The following RIC1 variants were observed in gnomAD, a reference collection of about 807,000 sequenced individuals.
RIC1 encodes RIC1 partner of RAB6A GEF complex.
In RIC1, 88 loss-of-function variants were observed where a neutral mutation model predicts 169.0. The observed-to-expected ratio is 0.52, with a 90% CI of 0.44 to 0.62. The LOEUF (loss-of-function observed/expected upper bound fraction) is 0.62. Among genes scored for constraint, RIC1 ranks in the 20% least tolerant of loss-of-function variants. RIC1 has a pLI of 0.00. For synonymous variants in RIC1, 790 were observed against 601.5 expected (o/e 1.31, Z -4.59); for missense variants, 1,877 against 1,725.5 (o/e 1.09, Z -1.56).
intron 7 of RIC1, 98 bp from the exon 8 acceptor site, chr9:5,738,352 G>T: frequency 1.3e-6 from 1 of 786,636 alleles, no homozygotes; most frequent in Non-Finnish European, 2.1e-6. Flanking sequence ...TTTTGTTCTA[G>T]TTTACACTCC....
intron 2 of RIC1, among the ~76,000 whole-genome samples, chr9:5,680,393 T>G (rs1309158992): frequency 2.6e-5 from 4 of 152,204 alleles, no homozygotes; most frequent in Admixed American, 6.5e-5. Flanking sequence ...TTTCTATTGA[T>G]TGGAATAGTT....
intron 2 of RIC1, among the ~76,000 whole-genome samples, chr9:5,665,987 C>G (rs975701552): frequency 3.3e-5 from 5 of 152,158 alleles, no homozygotes; most frequent in African/African-American, 9.7e-5. Flanking sequence ...CTTCAGCCCC[C>G]CAATTGGTAT....
At position 5,745,945 on chromosome 9, in the gene RIC1, A is replaced by G. The variant is rs762875062; in HGVS notation, c.1110A>G (p.Glu370=). The G allele has an allele frequency of 1.2e-6, 2 of 1,613,236 alleles. No individual in the cohort carries two copies. Among genetic ancestry groups the G allele is most frequent in the Middle Eastern group, 1.7e-4 (1 of 6,058 alleles). ...TTCTCTCTAAGAGCTGGGGTGCAGAAGGCTATCACCTATGGGTAATCAGCG... is the reference window on the plus strand; with the variant it reads ...TTCTCTCTAAGAGCTGGGGTGCAGAGGGCTATCACCTATGGGTAATCAGCG... ...LKINSMSWGA[E]GYHLWVISGF... is the part of the protein sequence containing the mutation. The change falls in exon 11 of 26, where the codon GAA becomes GAG. Residue 370 remains glutamate, a synonymous_variant. Coordinates refer to ENST00000414202, the MANE Select transcript of RIC1 (RefSeq NM_020829.4).
intron 6 of RIC1, among the ~76,000 whole-genome samples, chr9:5,722,149 A>G (rs553006590): frequency 1.3e-4 from 20 of 149,470 alleles, no homozygotes; most frequent in South Asian, 6.4e-4. Context: ...CAGCCTCCCA[A>G]TGTGCTGGGA....
rs947622496 is a variant in RIC1 at position 5,642,284 on chromosome 9, A to T, written c.144+12831A>T. Among the ~76,000 whole-genome samples the T allele has an allele frequency of 3.5e-5, 5 of 144,850 alleles. 1 individual carries two copies. The highest frequency in any genetic ancestry group is 6.9e-3 in the Middle Eastern group (2 of 288). ...GTCTCCTGGAACTAGGGATGTGTTC[A>T]TGCGTTGATGCAAGCACCCCTGTTG... On this transcript the variant is annotated intron_variant, in intron 1 of 25. Coordinates refer to ENST00000414202, the MANE Select transcript of RIC1 (RefSeq NM_020829.4).
At chr9:5,673,746 G>A (rs1025685200) in intron 2 of RIC1, among the ~76,000 whole-genome samples, 25 of 151,734 alleles carry the variant, frequency 1.6e-4, no homozygotes, top group African/African-American at 5.8e-4. Flanking sequence ...GCATGGTAAT[G>A]TGTAAATTAA....
At chr9:5,660,233 A>G (rs1033421868) in intron 2 of RIC1, among the ~76,000 whole-genome samples, 3 of 152,124 alleles carry the variant, frequency 2.0e-5, no homozygotes, top group Admixed American at 2.0e-4. Flanking sequence ...TATGTACCAC[A>G]TTTCTTTTAT....
At chr9:5,732,297 G>A in intron 6 of RIC1, 91 bp from the exon 7 acceptor site, 1 of 980,020 alleles carries the variant, frequency 1.0e-6, no homozygotes, top group Non-Finnish European at 1.6e-6. Flanking sequence ...AAAGCATTAT[G>A]AAATTGTATG....
At position 5,689,966 on chromosome 9, in the gene RIC1, A is replaced by G; in HGVS notation, c.260A>G (p.Asn87Ser). 3 of 1,596,932 alleles carry G rather than the reference A, an allele frequency of 1.9e-6. No individual in the cohort carries two copies. Among genetic ancestry groups the G allele is most frequent in the Non-Finnish European group, 2.6e-6 (3 of 1,170,504 alleles). Residue 87 changes from asparagine to serine, a missense_variant, in exon 3 of 26, where the codon AAT (asparagine) becomes AGT (serine). Asn to Ser is a conservative substitution (Grantham distance 46). This residue lies in a region of RIC1 where 1,104 missense variants were observed against 992.0 expected (regional missense o/e 1.11). Coordinates refer to ENST00000414202, the MANE Select transcript of RIC1 (RefSeq NM_020829.4). The stretch of plus-strand genomic sequence containing the variant: ...ATAAAATTTCTCTTTCAGACGGCAA[A>G]TGGATACATCTTGTTTTTTCATATT... ...DSTMIAVSTA[N>S]GYILFFHITS...
At chr9:5,741,412 C>T (rs938709738) in intron 8 of RIC1, among the ~76,000 whole-genome samples, 6 of 152,060 alleles carry the variant, frequency 3.9e-5, no homozygotes, top group African/African-American at 1.4e-4. Context: ...TCTAAATATT[C>T]CTCTCCCCTA....
chr9:5,680,787 T>A (rs1016884720), intron 2 of RIC1, among the ~76,000 whole-genome samples: 3 of 149,286 alleles, frequency 2.0e-5, no homozygotes, highest in Non-Finnish European at 4.5e-5. Flanking sequence ...TGTTGATCTT[T>A]CCAGAACACC....
chr9:5,730,446 A>G (rs1294378353), intron 6 of RIC1, among the ~76,000 whole-genome samples: 1 of 152,204 alleles, frequency 6.6e-6, no homozygotes, highest in Non-Finnish European at 1.5e-5. Flanking sequence ...AGCAAAAAAC[A>G]GCTAGACACA....
At chr9:5,656,171 G>A (rs1405772512) in intron 1 of RIC1, among the ~76,000 whole-genome samples, 2 of 152,098 alleles carry the variant, frequency 1.3e-5, no homozygotes, top group East Asian at 1.9e-4. Flanking sequence ...CGCCTGGCCT[G>A]TAGTTTTCTT....
chr9:5,692,375 A>G (rs1821635951), intron 3 of RIC1, among the ~76,000 whole-genome samples: 1 of 152,102 alleles, frequency 6.6e-6, no homozygotes, highest in South Asian at 2.1e-4. Flanking sequence ...TTAGGTAAGC[A>G]CCTAGCTTAT....
chr9:5,740,283 G>A (rs556073421), intron 8 of RIC1, among the ~76,000 whole-genome samples: 33 of 152,134 alleles, frequency 2.2e-4, no homozygotes, highest in African/African-American at 6.3e-4. Context: ...CTGTCAGTGC[G>A]TACTATTAGA....
chr9:5,726,709 A>C (rs1161373749), intron 6 of RIC1, among the ~76,000 whole-genome samples: 1 of 152,094 alleles, frequency 6.6e-6, no homozygotes, highest in African/African-American at 2.4e-5. Flanking sequence ...TCCTTTCCAT[A>C]TTTAGTGCTT....
chr9:5,683,174 T>C (rs1320818705), intron 2 of RIC1, among the ~76,000 whole-genome samples: 2 of 152,244 alleles, frequency 1.3e-5, no homozygotes, highest in African/African-American at 4.8e-5. Flanking sequence ...TCAAGCTTTG[T>C]TACATTGTTT....
At chr9:5,630,338 C>T (rs1221545024) in intron 1 of RIC1, among the ~76,000 whole-genome samples, 3 of 147,404 alleles carry the variant, frequency 2.0e-5, no homozygotes, top group African/African-American at 4.9e-5. Context: ...TGCTTTTTTT[C>T]CTCCCCAAAG....
At chr9:5,755,415 CTAA>C (rs1194417247) in intron 15 of RIC1, among the ~76,000 whole-genome samples, 5 of 152,036 alleles carry the variant, frequency 3.3e-5, no homozygotes, top group African/African-American at 9.7e-5. Context: ...TTAATAATGA[CTAA>C]TAATAAAACA....
Sources: allele counts gnomAD v4.1 joint callset (sites outside exome capture counted in the v4.1 genomes callset), GRCh38; gene constraint gnomAD v4.1.1; regional missense constraint gnomAD v4.1.1; transcripts MANE v1.5; gene names NCBI Gene and HGNC (gene_info 2026-07-23, HGNC 2026-07-21).